Variants in ZNF556 observed in about 807,000 individuals in gnomAD.
The protein encoded by ZNF556 is zinc finger protein 556.
Under a neutral mutation model 13.6 loss-of-function variants are expected in ZNF556, and 11 were observed. That is an observed-to-expected ratio of 0.81 (90% CI 0.51 to 1.33). The LOEUF is 1.33. Among genes scored for constraint, ZNF556 ranks in the 40% most tolerant of loss-of-function variants. The pLI is 0.00. For missense variants in ZNF556, 633 were observed against 566.2 expected, an observed-to-expected ratio of 1.12 and a Z score of -1.20; for synonymous variants, 229 against 207.8, an observed-to-expected ratio of 1.10 and a Z score of -0.88.
intron 1 of ZNF556, among the ~76,000 whole-genome samples, chr19:2,872,795 G>A (rs2087815805): frequency 6.8e-6 from 1 of 147,836 alleles, no homozygotes; most frequent in Non-Finnish European, 1.5e-5. Context: ...CTCCAGTCTG[G>A]GTGACAGAGC....
chr19:2,872,099 C>T (rs482766), intron 1 of ZNF556, among the ~76,000 whole-genome samples: 69,891 of 151,830 alleles, frequency 0.46, 16,360 homozygotes, highest in Middle Eastern at 0.55. Flanking sequence ...AACATGAAAG[C>T]GGACTAGGAG....
chr19:2,869,445 C>T (rs189287402), intron 1 of ZNF556, among the ~76,000 whole-genome samples: 276 of 152,236 alleles, frequency 1.8e-3, no homozygotes, highest in Non-Finnish European at 3.2e-3. Context: ...CAGCTCACTG[C>T]AAGCTCCGCC....
rs2087875638 is a variant in ZNF556, at chr19:2,878,124, A to G, written c.1166A>G (p.Glu389Gly). ...TGGTCCTCATCTTTACACAAACATGAGAGAAAGCACACTGGGGAGAAACCT... is the reference window on the plus strand; with the variant it reads ...TGGTCCTCATCTTTACACAAACATGGGAGAAAGCACACTGGGGAGAAACCT... ...YGWSSSLHKH[E>G]RKHTGEKPVN... Residue 389 changes from glutamate (E) to glycine (G), a missense_variant, in exon 4 of 4, where the codon GAG becomes GGG. Physicochemically the swap from Glu to Gly is moderately conservative, Grantham distance 98. Coordinates refer to ENST00000307635, the MANE Select transcript of ZNF556 (RefSeq NM_024967.3). 2 of 1,614,020 alleles carry G rather than the reference A, an allele frequency of 1.2e-6. No individual in the cohort carries two copies. Among genetic ancestry groups the G allele is most frequent in the South Asian group, 2.2e-5 (2 of 91,090 alleles).
Position 2,878,813 on chromosome 19 carries a change from G to A in ZNF556, c.*484G>A, listed in dbSNP as rs1271552498. On this transcript the variant is annotated 3_prime_UTR_variant, in exon 4 of 4. Transcript: ENST00000307635. ...TCTCTTGCAGGTAAAGTTGAGGGGA[G>A]AATCCTGTAAGTCCTCTCTCACCTA... is the stretch of plus-strand genomic sequence containing the variant. The A allele has an allele frequency of 6.4e-6, 1 of 155,264 alleles. No homozygotes were observed. The highest frequency in any genetic ancestry group is 1.4e-5 in the Non-Finnish European group (1 of 69,932). 9.6% of individuals were successfully genotyped at this position (155,264 alleles called of 1,614,324 possible).
At position 2,880,125 on chromosome 19, in the gene ZNF556, C is replaced by G. The variant is rs12459199; in HGVS notation, c.*1796C>G. 0.38 allele frequency: 57,225 copies of G among 151,914 alleles called. 13,252 individuals carry two copies. Among genetic ancestry groups the G allele is most frequent in the East Asian group, 0.81 (4,161 of 5,150 alleles). 9.4% of individuals were successfully genotyped at this position (151,914 alleles called of 1,614,324 possible). The stretch of plus-strand genomic sequence containing the variant: ...ACCTAGTATTCTTCGTGAGATAAAT[C>G]TTACCTTTCATGAGAAAATGAAAGA... On this transcript the variant is annotated 3_prime_UTR_variant, in exon 4 of 4. Coordinates refer to ENST00000307635, the MANE Select transcript of ZNF556 (RefSeq NM_024967.3).
chr19:2,877,652 G>T lies in ZNF556; in HGVS notation c.694G>T (p.Glu232Ter), dbSNP rs546556897. Reference protein sequence around the residue: ...VRTHTGEKPYECGQCGKGFSC... With the variant: ...VRTHTGEKPY ...GACTCACACTGGAGAGAAACCCTACGAATGTGGGCAGTGTGGGAAAGGCTT... is the reference window on the plus strand; with the variant it reads ...GACTCACACTGGAGAGAAACCCTACTAATGTGGGCAGTGTGGGAAAGGCTT... Residue 232 changes from glutamate to a stop codon, truncating the protein, a stop_gained, in exon 4 of 4, where the codon GAA becomes TAA. Coordinates refer to ENST00000307635, the MANE Select transcript of ZNF556 (RefSeq NM_024967.3). LOFTEE classifies it low-confidence loss of function (END_TRUNC). 6.2e-7 allele frequency: 1 copy of T among 1,614,220 alleles called. No homozygotes were observed. The highest frequency in any genetic ancestry group is 1.1e-5 in the South Asian group (1 of 91,084).
At chr19:2,873,429 T>G (rs1470428559) in intron 1 of ZNF556, 67 bp from the exon 2 acceptor site, 15 of 1,585,080 alleles carry the variant, frequency 9.5e-6, no homozygotes, top group Non-Finnish European at 1.1e-5. Flanking sequence ...TCCTATGAAC[T>G]GAGTTCAGTT....
In ZNF556 at chr19:2,878,495, G is replaced by A. The variant is rs531668697; in HGVS notation, c.*166G>A. 6.3e-4 allele frequency: 379 copies of A among 600,098 alleles called. 5 individuals are homozygous for A. The South Asian group carries it at 8.0e-3, about 13-fold the overall frequency. 37.2% of individuals were successfully genotyped at this position (600,098 alleles called of 1,614,324 possible). A position where few individuals can be genotyped will look rare whatever the true frequency, so the allele number is the denominator to read the frequency against. On this transcript the variant is annotated 3_prime_UTR_variant, in exon 4 of 4. Transcript: ENST00000307635. ...ACCATCCTGGCTATGGTGAAACCCC[G>A]TCTCTACTAAAAAAAAAAAAAATAC... is the stretch of plus-strand genomic sequence containing the variant.
At chr19:2,873,272 C>T (rs555898157) in intron 1 of ZNF556, among the ~76,000 whole-genome samples, 2 of 152,142 alleles carry the variant, frequency 1.3e-5, no homozygotes, top group Non-Finnish European at 1.5e-5. Flanking sequence ...TGTATCAAAT[C>T]ATCACCTACA....
At position 2,881,569 on chromosome 19, in the gene ZNF556, C is replaced by T. The variant is rs1379581045; in HGVS notation, c.*3240C>T. 6.6e-6 allele frequency: 1 copy of T among 150,610 alleles called. No individual in the cohort carries two copies. Among genetic ancestry groups the T allele is most frequent in the Non-Finnish European group, 1.5e-5 (1 of 67,806 alleles). 9.3% of individuals were successfully genotyped at this position (150,610 alleles called of 1,614,324 possible). A position where few individuals can be genotyped will look rare whatever the true frequency, so the allele number is the denominator to read the frequency against. Reference sequence around the variant, plus strand: ...TCCAGCCTGGGCGACAAGAGTAAGACTCCATCTCAAAAAAAAAAAAATTTT... The same window carrying T: ...TCCAGCCTGGGCGACAAGAGTAAGATTCCATCTCAAAAAAAAAAAAATTTT... On this transcript the variant is annotated 3_prime_UTR_variant, in exon 4 of 4. Coordinates refer to ENST00000307635, the MANE Select transcript of ZNF556 (RefSeq NM_024967.3).
chr19:2,875,745 A>G (rs1033977056), intron 2 of ZNF556, among the ~76,000 whole-genome samples: 2 of 151,698 alleles, frequency 1.3e-5, no homozygotes, highest in African/African-American at 4.8e-5. Context: ...CAGGCGAATC[A>G]CAAGGTCAGG....
rs934713536 is a variant in ZNF556, at chr19:2,873,048, G to A, written c.4-448G>A. Reference sequence around the variant, plus strand: ...CTTGGGAGACTGAGGCAGGACAATCGCTTGAACCCAGGAGGCGCAGCTTGC... The same window carrying A: ...CTTGGGAGACTGAGGCAGGACAATCACTTGAACCCAGGAGGCGCAGCTTGC... On this transcript the variant is annotated intron_variant, in intron 1 of 3. Transcript: ENST00000307635. Among the ~76,000 whole-genome samples the A allele has an allele frequency of 2.0e-5, 3 of 150,676 alleles. 1 individual carries two copies. Among genetic ancestry groups the A allele is most frequent in the South Asian group, 4.2e-4 (2 of 4,790 alleles).
intron 2 of ZNF556, 28 bp downstream of exon 2, chr19:2,873,650 G>C: frequency 6.2e-7 from 1 of 1,601,654 alleles, no homozygotes; most frequent in African/African-American, 1.3e-5. Context: ...TCTGCACTTA[G>C]TTATTAGATA....
In ZNF556 at chr19:2,867,386, A is replaced by G. The variant is rs2087764390; in HGVS notation, c.-36A>G. On this transcript the variant is annotated 5_prime_UTR_variant, in exon 1 of 4. Transcript: ENST00000307635. ...CTCACCTGCACCGGCTGCGAGGAGC[A>G]GGGAGCTCCTCAAAGAGCTCAGGAA... is the stretch of plus-strand genomic sequence containing the variant. 1 of 1,576,020 alleles carries G rather than the reference A, an allele frequency of 6.3e-7. No individual in the cohort carries two copies. The highest frequency in any genetic ancestry group is 1.3e-5 in the African/African-American group (1 of 74,806).
At chr19:2,869,003 G>A (rs2087780407) in intron 1 of ZNF556, among the ~76,000 whole-genome samples, 1 of 152,112 alleles carries the variant, frequency 6.6e-6, no homozygotes, top group African/African-American at 2.4e-5. Context: ...ACAGGCGTGA[G>A]CCACCACACC....
In ZNF556 at chr19:2,878,020, G is replaced by T. The variant is rs756558409; in HGVS notation, c.1062G>T (p.Arg354Ser). ...GCAGCGTGGGAAAGTCTTCCGCGAGGCCTCGCCCCTCCACAGATGTCAAAT... is the reference window on the plus strand; with the variant it reads ...GCAGCGTGGGAAAGTCTTCCGCGAGTCCTCGCCCCTCCACAGATGTCAAAT... The part of the protein sequence containing the change: ...SGGSVGKSSA[R>S]PRPSTDVKSQ... The change falls in exon 4 of 4, where the codon AGG (arginine) becomes AGT (serine). Residue 354 changes from arginine (R) to serine (S), a missense_variant. By Grantham distance (110) the Arg-to-Ser change is moderately radical. Coordinates refer to ENST00000307635, the MANE Select transcript of ZNF556 (RefSeq NM_024967.3). 2 of 1,613,984 alleles carry T rather than the reference G, an allele frequency of 1.2e-6. No homozygotes were observed. The highest frequency in any genetic ancestry group is 1.7e-6 in the Non-Finnish European group (2 of 1,180,000).
chr19:2,874,806 T>C (rs1189883290), intron 2 of ZNF556: 1 of 152,470 alleles, frequency 6.6e-6, no homozygotes, highest in Non-Finnish European at 1.5e-5. Context: ...GGTCCTTTTG[T>C]GTTACCAGCG....
In ZNF556 at chr19:2,867,434, G is replaced by A. The variant is rs760346453; in HGVS notation, c.3+10G>A. On this transcript the variant is annotated intron_variant, in intron 1 of 3. Coordinates refer to ENST00000307635, the MANE Select transcript of ZNF556 (RefSeq NM_024967.3). ...GAACGGACAGGACATGGTGAGTGCA[G>A]GGCAGGAGCCGAGCCGGAGCCGGAG... The A allele has an allele frequency of 6.3e-7, 1 of 1,584,284 alleles. No individual in the cohort carries two copies.
rs555408504 is a variant in ZNF556, at chr19:2,870,088, G to A, written c.3+2664G>A. Among the ~76,000 whole-genome samples, 19 of 151,874 alleles carry A rather than the reference G, an allele frequency of 1.3e-4. No homozygotes were observed. In the South Asian group the frequency reaches 3.8e-3, roughly 30 times the overall value. On this transcript the variant is annotated intron_variant, in intron 1 of 3. Coordinates refer to ENST00000307635, the MANE Select transcript of ZNF556 (RefSeq NM_024967.3). ...TATTTTTTCATTGTATACTACATTCGCCATGATTAATTTAAATTGGATCAC... is the reference window on the plus strand; with the variant it reads ...TATTTTTTCATTGTATACTACATTCACCATGATTAATTTAAATTGGATCAC...
Sources: allele counts gnomAD v4.1 joint callset (sites outside exome capture counted in the v4.1 genomes callset), GRCh38; gene constraint gnomAD v4.1.1; transcripts MANE v1.5; gene names NCBI Gene and HGNC (gene_info 2026-07-23, HGNC 2026-07-21).